Variants in CTCF observed in about 807,000 individuals in gnomAD.
CTCF encodes CCCTC-binding factor.
A neutral mutation model predicts 72.3 loss-of-function variants in CTCF; 7 were observed. The observed-to-expected ratio is 0.10, with a 90% confidence interval of 0.06 to 0.18. CTCF has a LOEUF of 0.18. Ranked by LOEUF, CTCF falls within the 10% of genes least tolerant of loss-of-function variation. The pLI, the probability that CTCF is intolerant of heterozygous loss-of-function variation, is 1.00. For missense variants in CTCF, 516 were observed against 949.1 expected (o/e 0.54, Z 6.00); for synonymous variants, 374 against 315.8 (o/e 1.18, Z -1.95).
At position 67,629,746 on chromosome 16, in the gene CTCF, CTTTTTTTTTTTTTTT is replaced by C. The variant is rs71145978; in HGVS notation, c.1837+245_1837+259del. On this transcript the variant is annotated intron_variant, in intron 10 of 11. Transcript: ENST00000264010. ...TCGTGGCATTCCGCTCATTAATGCCCTTTTTTTTTTTTTTTTTTTTTTTTTTTTTTTTTTTTTTTT... is the reference window on the plus strand; with the variant it reads ...TCGTGGCATTCCGCTCATTAATGCCCTTTTTTTTTTTTTTTTTTTTTTTTT... 7.4e-4 allele frequency among the ~76,000 whole-genome samples: 47 copies of C among 63,352 alleles called. 7 individuals are homozygous for C. The highest frequency in any genetic ancestry group is 2.8e-3 in the African/African-American group (44 of 15,934). 41.6% of individuals were successfully genotyped at this position (63,352 alleles called of 152,430 possible).
chr16:67,619,918 A>G (rs954539018), intron 5 of CTCF, among the ~76,000 whole-genome samples: 4 of 152,072 alleles, frequency 2.6e-5, no homozygotes, highest in Admixed American at 6.6e-5. Context: ...TTTGAAAGTC[A>G]CTGTTTTAGT....
chr16:67,632,860 C>G lies in CTCF; in HGVS notation c.1837+3327C>G, dbSNP rs566303835. On this transcript the variant is annotated intron_variant, in intron 10 of 11. Transcript: ENST00000264010. The stretch of plus-strand genomic sequence containing the variant: ...GAAGATCAGGAGTTTACCCACAGAT[C>G]TCTAAATTTAAACATTTTGTTCCAG... Among the ~76,000 whole-genome samples the G allele has an allele frequency of 5.9e-5, 9 of 152,312 alleles. No homozygotes were observed. In the South Asian group the frequency reaches 1.9e-3, roughly 32 times the overall value.
intron 1 of CTCF, among the ~76,000 whole-genome samples, chr16:67,569,878 G>C (rs1354093668): frequency 6.6e-6 from 1 of 151,772 alleles, no homozygotes; most frequent in African/African-American, 2.4e-5. Context: ...TAGAGATGGG[G>C]TTTCGCCATG....
intron 2 of CTCF, among the ~76,000 whole-genome samples, chr16:67,578,980 C>T (rs890064537): frequency 2.7e-5 from 4 of 149,194 alleles, no homozygotes; most frequent in Non-Finnish European, 4.4e-5. Flanking sequence ...AAAGGCCGGG[C>T]GTGGTGGCTC....
intron 10 of CTCF, among the ~76,000 whole-genome samples, chr16:67,630,163 G>A (rs1451172449): frequency 6.6e-6 from 1 of 152,076 alleles, no homozygotes; most frequent in African/African-American, 2.4e-5. Context: ...TCTAAGGCCA[G>A]CAGAGTTTCT....
chr16:67,598,602 GA>G (rs2051844765), intron 2 of CTCF, among the ~76,000 whole-genome samples: 1 of 152,164 alleles, frequency 6.6e-6, no homozygotes, highest in Admixed American at 6.5e-5. Flanking sequence ...GTTTCACAAT[GA>G]AAGAAAAAAA....
In CTCF at chr16:67,624,095, GTGTGTGTGTGTGTGTGTGTGTA is replaced by G. The variant is rs1204618648; in HGVS notation, c.1358-2450_1358-2429del. Among the ~76,000 whole-genome samples the G allele has an allele frequency of 2.2e-4, 29 of 132,846 alleles. No individual in the cohort carries two copies. In the South Asian group the frequency reaches 6.6e-3, roughly 30 times the overall value. The allele number at this position is 132,846 out of a possible 152,430, so 87.2% of individuals were successfully genotyped here. A position where few individuals can be genotyped will look rare whatever the true frequency, so the allele number is the denominator to read the frequency against. On this transcript the variant is annotated intron_variant, in intron 7 of 11. Transcript: ENST00000264010. ...TATGTGTGTGTGTGTGTGTGTGTGT[GTGTGTGTGTGTGTGTGTGTGTA>G]TGTGTGTGTATATATATGTGTGTGT...
chr16:67,602,658 A>G (rs951694630), intron 2 of CTCF, among the ~76,000 whole-genome samples: 3 of 152,008 alleles, frequency 2.0e-5, no homozygotes, highest in Non-Finnish European at 4.4e-5. Flanking sequence ...CCTGACCAAC[A>G]TGGAGAAACC....
intron 2 of CTCF, among the ~76,000 whole-genome samples, chr16:67,605,094 TC>T (rs2051956964): frequency 6.9e-6 from 1 of 145,552 alleles, no homozygotes; most frequent in Non-Finnish European, 1.5e-5. Flanking sequence ...TGCCTCAGCC[TC>T]CCGAGTAGCT....
At chr16:67,580,548 T>G (rs531103734) in intron 2 of CTCF, among the ~76,000 whole-genome samples, 1 of 151,362 alleles carries the variant, frequency 6.6e-6, no homozygotes, top group South Asian at 2.1e-4. Context: ...TTTTATTTAT[T>G]TATGTATTTA....
chr16:67,622,473 T>TA (rs1163460282), intron 7 of CTCF, among the ~76,000 whole-genome samples: 2 of 152,078 alleles, frequency 1.3e-5, no homozygotes, highest in Admixed American at 1.3e-4. Flanking sequence ...TGATACAACT[T>TA]GTAGTACCGT....
At chr16:67,582,428 C>T (rs905556827) in intron 2 of CTCF, among the ~76,000 whole-genome samples, 1 of 152,042 alleles carries the variant, frequency 6.6e-6, no homozygotes, top group Non-Finnish European at 1.5e-5. Flanking sequence ...CAGGGTGGCT[C>T]ATGCCTGTAA....
At chr16:67,636,380 A>G in intron 10 of CTCF, among the ~76,000 whole-genome samples, 1 of 150,756 alleles carries the variant, frequency 6.6e-6, no homozygotes, top group Non-Finnish European at 1.5e-5. Context: ...TCAAAAAAAA[A>G]AAAAGAAGGA....
intron 2 of CTCF, among the ~76,000 whole-genome samples, chr16:67,585,230 G>A (rs1034031737): frequency 6.6e-6 from 1 of 152,064 alleles, no homozygotes; most frequent in African/African-American, 2.4e-5. Flanking sequence ...TTTGTATTTA[G>A]TAGTGAACGG....
At chr16:67,594,168 G>A (rs1273495233) in intron 2 of CTCF, among the ~76,000 whole-genome samples, 1 of 151,978 alleles carries the variant, frequency 6.6e-6, no homozygotes. Context: ...CAGCACTTTG[G>A]GAGGCCACTT....
chr16:67,595,405 C>T (rs771904699), intron 2 of CTCF, among the ~76,000 whole-genome samples: 67 of 152,140 alleles, frequency 4.4e-4, no homozygotes, highest in Non-Finnish European at 5.3e-4. Context: ...GTACCTTCAT[C>T]GTACAGAAAT....
chr16:67,590,226 C>T (rs2051722484), intron 2 of CTCF, among the ~76,000 whole-genome samples: 1 of 151,834 alleles, frequency 6.6e-6, no homozygotes, highest in African/African-American at 2.4e-5. Context: ...AGAACTCCTT[C>T]CCCTCCTCCC....
chr16:67,636,814 AC>A lies in CTCF; in HGVS notation c.1967del (p.Pro656LeufsTer30). On this transcript the variant is annotated frameshift_variant, in exon 11 of 12. Coordinates refer to ENST00000264010, the MANE Select transcript of CTCF (RefSeq NM_006565.4). LOFTEE classifies it high-confidence loss of function. Reference protein sequence around the residue: ...PPPAKKRRGRPPGRTNQPKQN... With the variant: ...PPPAKKRRGRXPGRTNQPKQN... ...CACCCGCCAAGAAGCGGAGAGGACG[AC>A]CCCCTGGCAGAACCAACCAGCCCAA... 2 of 1,597,180 alleles carry A rather than the reference AC, an allele frequency of 1.3e-6. No homozygotes were observed. Among genetic ancestry groups the A allele is most frequent in the Admixed American group, 1.7e-5 (1 of 58,038 alleles).
chr16:67,614,051 T>TA lies in CTCF; in HGVS notation c.952+1931dup, dbSNP rs2052096947. Among the ~76,000 whole-genome samples the TA allele has an allele frequency of 9.9e-5, 15 of 152,196 alleles. No individual in the cohort carries two copies. The South Asian group carries it at 2.7e-3, about 27-fold the overall frequency. The stretch of plus-strand genomic sequence containing the variant: ...TTCTAGGGGGCGCCTTTGCCTCTGT[T>TA]ACGATGCTGTAGCAGCCGGGCGCCG... On this transcript the variant is annotated intron_variant, in intron 4 of 11. Coordinates refer to ENST00000264010, the MANE Select transcript of CTCF (RefSeq NM_006565.4).
Sources: allele counts gnomAD v4.1 joint callset (sites outside exome capture counted in the v4.1 genomes callset), GRCh38; gene constraint gnomAD v4.1.1; transcripts MANE v1.5; gene names NCBI Gene and HGNC (gene_info 2026-07-23, HGNC 2026-07-21).